PLEC: variants seen among roughly 807,000 people sequenced by gnomAD.
The protein encoded by PLEC is plectin, also known as hemidesmosomal protein 1.
PLEC carries 216 observed loss-of-function variants against 392.8 expected under a neutral mutation model. The ratio of observed to expected loss-of-function variants is 0.55; its 90% confidence interval spans 0.49 to 0.62. The LOEUF (loss-of-function observed/expected upper bound fraction) is 0.62. Among genes scored for constraint, PLEC ranks in the 20% least tolerant of loss-of-function variants. The pLI is 0.00. For missense variants in PLEC, 6,863 were observed against 6,563.4 expected (o/e 1.05, Z -1.58); for synonymous variants, 3,621 against 2,980.6 (o/e 1.21, Z -7.00).
At chr8:143,952,066 G>C (rs1554737014), upstream of PLEC, among the ~76,000 whole-genome samples, 1 of 152,200 alleles carries the variant, frequency 6.6e-6, no homozygotes, top group Non-Finnish European at 1.5e-5. Context: ...GGGAGTGGGA[G>C]AGAGGGGGGA....
At chr8:143,939,213 G>C (rs533740063) in intron 1 of PLEC, 137 bp downstream of exon 1, 2 of 1,217,758 alleles carry the variant, frequency 1.6e-6, no homozygotes, top group Admixed American at 2.1e-5. Context: ...GTGTTGGGTG[G>C]GGATGGCTGG....
chr8:143,964,459 C>T (rs975006919), intron 1 of PLEC, among the ~76,000 whole-genome samples: 3 of 152,092 alleles, frequency 2.0e-5, no homozygotes, highest in Admixed American at 2.0e-4. Flanking sequence ...GGATGGAGGC[C>T]GACACTGGAG....
chr8:143,918,248 G>C lies in PLEC; in HGVS notation c.11573C>G (p.Thr3858Arg), dbSNP rs373863249. 5 of 1,591,256 alleles carry C rather than the reference G, an allele frequency of 3.1e-6. No homozygotes were observed. The Admixed American group carries it at 8.4e-5, about 27-fold the overall frequency. The change falls in exon 32 of 32, where the codon ACG (threonine) becomes AGG (arginine). Residue 3858 changes from threonine to arginine, a missense_variant. Physicochemically the swap from Thr to Arg is moderately conservative, Grantham distance 71. Transcript: ENST00000345136. Reference protein sequence around the residue: ...DPSTDERLSYTQLLRRCRRDD... With the variant: ...DPSTDERLSYRQLLRRCRRDD... Reference sequence around the variant, plus strand: ...ACGACGGCACCGCCTGAGCAGCTGCGTGTAGCTGAGGCGCTCGTCGGTGGA... The same window carrying C: ...ACGACGGCACCGCCTGAGCAGCTGCCTGTAGCTGAGGCGCTCGTCGGTGGA...
Position 143,926,910 on chromosome 8 carries a change from G to A in PLEC, c.3946-28C>T, listed in dbSNP as rs551592225. 6.5e-4 allele frequency: 1,044 copies of A among 1,608,016 alleles called. 16 individuals are homozygous for A. The South Asian group carries it at 0.011, about 17-fold the overall frequency. ...GTGGAGTAGAGCCAGGGTTAGCCCTGCGAGAGCTGCAGCTCCAGCCAGAGG... is the reference window on the plus strand; with the variant it reads ...GTGGAGTAGAGCCAGGGTTAGCCCTACGAGAGCTGCAGCTCCAGCCAGAGG... On this transcript the variant is annotated intron_variant, in intron 29 of 31. Transcript: ENST00000345136.
upstream of PLEC, among the ~76,000 whole-genome samples, chr8:143,958,020 C>T (rs2132837202): frequency 6.6e-6 from 1 of 152,328 alleles, no homozygotes; most frequent in East Asian, 1.9e-4. This position sits in a 1 kb window ranked among gnomAD's most constrained non-coding sequence, Gnocchi z 4.9. Flanking sequence ...ATCCAGCACA[C>T]ACTCAGCCCT....
intron 1 of PLEC, among the ~76,000 whole-genome samples, chr8:143,967,130 G>A (rs902699620): frequency 3.3e-5 from 5 of 151,664 alleles, no homozygotes; most frequent in South Asian, 4.2e-4. Flanking sequence ...TTGGGAGGCC[G>A]AGGTGGGCAG....
intron 12 of PLEC, 80 bp downstream of exon 12, chr8:143,933,918 C>T (rs537742255): frequency 4.7e-6 from 6 of 1,285,652 alleles, no homozygotes; most frequent in Admixed American, 3.9e-5. Context: ...GGGACAGCCC[C>T]CTCCTGGCTT....
intron 2 of PLEC, 153 bp downstream of exon 2, chr8:143,938,478 T>A: frequency 1.9e-6 from 3 of 1,548,608 alleles, no homozygotes; most frequent in Non-Finnish European, 2.6e-6. Flanking sequence ...GGAGCAGGCG[T>A]AGGGAAGAAA....
At position 143,921,677 on chromosome 8, in the gene PLEC, G is replaced by A; in HGVS notation, c.8144C>T (p.Ala2715Val). The change falls in exon 32 of 32, where the codon GCC (alanine) becomes GTC (valine). Residue 2715 changes from alanine (A) to valine (V), a missense_variant. Transcript: ENST00000345136. ...ATNEKLSVYA[A>V]LQRQLLSPGT... ...GGGACTCAGCAGCTGCCTCTGCAGG[G>A]CGGCGTAAACACTCAGCTTCTCATT... 4 of 1,613,190 alleles carry A rather than the reference G, an allele frequency of 2.5e-6. No homozygotes were observed. The highest frequency in any genetic ancestry group is 2.5e-6 in the Non-Finnish European group (3 of 1,179,930).
At position 143,932,985 on chromosome 8, in the gene PLEC, G is replaced by A. The variant is rs199968254; in HGVS notation, c.1545C>T (p.Pro515=). 3.1e-4 allele frequency: 496 copies of A among 1,611,092 alleles called. No homozygotes were observed. The highest frequency in any genetic ancestry group is 2.3e-3 in the Middle Eastern group (14 of 5,966). The part of the protein sequence containing the change: ...QVTLQSVQRR[P]ELEDSTLRYL... Reference sequence around the variant, plus strand: ...AGCGCAGAGTGGAGTCCTCCAGCTCGGGGCGCCTCTGCACACTCTGCAGAG... The same window carrying A: ...AGCGCAGAGTGGAGTCCTCCAGCTCAGGGCGCCTCTGCACACTCTGCAGAG... Residue 515 remains proline, a synonymous_variant, in exon 14 of 32, where the codon CCC becomes CCT. Transcript: ENST00000345136.
rs1030376760 is a variant in PLEC at position 143,938,476 on chromosome 8, C to A, written c.174+155G>T. 11 of 1,545,196 alleles carry A rather than the reference C, an allele frequency of 7.1e-6. No individual in the cohort carries two copies. The South Asian group carries it at 9.3e-5, about 13-fold the overall frequency. The stretch of plus-strand genomic sequence containing the variant: ...GGAGGAAGAGAGAGGCAGGAGCAGG[C>A]GTAGGGAAGAAAGAGGACAGAAAAT... On this transcript the variant is annotated intron_variant, in intron 2 of 31. Coordinates refer to ENST00000345136, the MANE Select transcript of PLEC (RefSeq NM_201384.3).
Position 143,917,270 on chromosome 8 carries a change from G to A in PLEC, c.12551C>T (p.Ser4184Phe), listed in dbSNP as rs1554671613. Residue 4184 changes from serine to phenylalanine, a missense_variant, in exon 32 of 32, where the codon TCC becomes TTC. Coordinates refer to ENST00000345136, the MANE Select transcript of PLEC (RefSeq NM_201384.3). ...QECEWEEITISSSDGVVKSMI... is the reference protein window; with the variant it reads ...QECEWEEITIFSSDGVVKSMI... ...GGACTTGACCACGCCGTCCGAGGAGGAGATGGTGATCTCCTCCCACTCGCA... is the reference window on the plus strand; with the variant it reads ...GGACTTGACCACGCCGTCCGAGGAGAAGATGGTGATCTCCTCCCACTCGCA... The A allele has an allele frequency of 6.2e-7, 1 of 1,610,766 alleles. No homozygotes were observed. The highest frequency in any genetic ancestry group is 1.1e-5 in the South Asian group (1 of 91,072).
At position 143,918,944 on chromosome 8, in the gene PLEC, A is replaced by G; in HGVS notation, c.10877T>C (p.Ile3626Thr). ...ERMIIIIIEI[I>T]EKTEIIRQQG... ...CTGGCGGATGATCTCTGTCTTCTCA[A>G]TGATCTCGATGATGATGATGATCAT... The change falls in exon 32 of 32, where the codon ATT (isoleucine) becomes ACT (threonine). Residue 3626 changes from isoleucine (I) to threonine (T), a missense_variant. Transcript: ENST00000345136. 6.2e-7 allele frequency: 1 copy of G among 1,610,608 alleles called. No homozygotes were observed. The highest frequency in any genetic ancestry group is 8.5e-7 in the Non-Finnish European group (1 of 1,179,982).
chr8:143,935,414 T>C (rs1379190403), intron 6 of PLEC, 101 bp from the exon 7 acceptor site: 6 of 804,348 alleles, frequency 7.5e-6, no homozygotes, highest in South Asian at 1.4e-5. Flanking sequence ...CCAGCAACCA[T>C]GGACCCCCCC....
In PLEC at chr8:143,918,063, C is replaced by T. The variant is rs914989960; in HGVS notation, c.11758G>A (p.Glu3920Lys). The change falls in exon 32 of 32, where the codon GAG (glutamate) becomes AAG (lysine). Residue 3920 changes from glutamate (E) to lysine (K), a missense_variant. Glu to Lys is a moderately conservative substitution (Grantham distance 56). Transcript: ENST00000345136. ...AACTTCTGCAAGTTCTTGGTGACCT[C>T]CTCGATGGAGGTCAGGCCCTCCCGC... The part of the protein sequence containing the change: ...QLREGLTSIE[E>K]VTKNLQKFLE... 2 of 1,602,482 alleles carry T rather than the reference C, an allele frequency of 1.2e-6. No homozygotes were observed. Among genetic ancestry groups the T allele is most frequent in the Admixed American group, 1.7e-5 (1 of 58,808 alleles).
Position 143,924,629 on chromosome 8 carries a change from A to C in PLEC, c.5300T>G (p.Leu1767Arg). The stretch of plus-strand genomic sequence containing the variant: ...CTCAGCCCTCGCCTTGCTGGCCAGC[A>C]GCACCTCCATCTCGGCCCGCACCTT... Reference protein sequence around the residue: ...LAKVRAEMEVLLASKARAEEE... With the variant: ...LAKVRAEMEVRLASKARAEEE... Residue 1767 changes from leucine to arginine, a missense_variant, in exon 31 of 32, where the codon CTG (leucine) becomes CGG (arginine). Leu to Arg is a moderately radical substitution (Grantham distance 102). Transcript: ENST00000345136. 6.5e-7 allele frequency: 1 copy of C among 1,539,460 alleles called. No individual in the cohort carries two copies. The highest frequency in any genetic ancestry group is 8.7e-7 in the Non-Finnish European group (1 of 1,148,944).
In PLEC at chr8:143,925,706, G is replaced by T; in HGVS notation, c.4223C>A (p.Ala1408Glu). The T allele has an allele frequency of 6.3e-7, 1 of 1,591,140 alleles. No homozygotes were observed. The highest frequency in any genetic ancestry group is 1.1e-5 in the South Asian group (1 of 90,256). Residue 1408 changes from alanine to glutamate, a missense_variant, in exon 31 of 32, where the codon GCG (alanine) becomes GAG (glutamate). By Grantham distance (107) the Ala-to-Glu change is moderately radical. Transcript: ENST00000345136. Reference protein sequence around the residue: ...QEEVVRREEAAVDAQQQKRSI... With the variant: ...QEEVVRREEAEVDAQQQKRSI... ...GCGCTTCTGCTGCTGCGCGTCCACC[G>T]CCGCCTCCTCCCGCCGCACCACCTC...
At chr8:143,970,841 G>A (rs527815248) in intron 1 of PLEC, among the ~76,000 whole-genome samples, 2 of 152,318 alleles carry the variant, frequency 1.3e-5, no homozygotes, top group African/African-American at 2.4e-5. Flanking sequence ...GGCTTGGGGC[G>A]CTGGGCGACT....
intron 1 of PLEC, chr8:143,946,249 T>G: frequency 5.6e-6 from 5 of 888,536 alleles, no homozygotes; most frequent in Non-Finnish European, 7.8e-6. Context: ...ATCCCAGGTC[T>G]GACGGCACAG....
Sources: allele counts gnomAD v4.1 joint callset (sites outside exome capture counted in the v4.1 genomes callset), GRCh38; gene constraint gnomAD v4.1.1; non-coding constraint Gnocchi (gnomAD v3.1); transcripts MANE v1.5; gene names NCBI Gene and HGNC (gene_info 2026-07-23, HGNC 2026-07-21).